The following PLXDC2 variants were observed in gnomAD, a reference collection of about 807,000 sequenced individuals.
PLXDC2 encodes the protein plexin domain containing 2.
In PLXDC2, 40 loss-of-function variants were observed where a neutral mutation model predicts 68.9. The observed-to-expected ratio is 0.58, with a 90% CI of 0.45 to 0.76. The LOEUF (loss-of-function observed/expected upper bound fraction) is 0.76, where lower values mean the gene tolerates loss of function less well. Among genes scored for constraint, PLXDC2 ranks in the 30% least tolerant of loss-of-function variants. The pLI is 0.00. For synonymous variants in PLXDC2, 243 were observed against 234.2 expected (o/e 1.04, Z -0.34); for missense variants, 644 against 661.9 (o/e 0.97, Z 0.30).
chr10:19,908,259 A>C (rs1043607618), intron 1 of PLXDC2, among the ~76,000 whole-genome samples: 5 of 152,184 alleles, frequency 3.3e-5, no homozygotes, highest in Admixed American at 6.5e-5. Context: ...GAAATAAAAC[A>C]CATGTTTATA....
intron 9 of PLXDC2, among the ~76,000 whole-genome samples, chr10:20,188,110 G>A (rs1184237886): frequency 2.0e-5 from 3 of 151,442 alleles, no homozygotes; most frequent in Admixed American, 6.6e-5. Flanking sequence ...GTAAATAAAT[G>A]TGAATGTTAT....
chr10:20,092,747 A>C (rs1833297010), intron 4 of PLXDC2, among the ~76,000 whole-genome samples: 1 of 152,036 alleles, frequency 6.6e-6, no homozygotes, highest in African/African-American at 2.4e-5. Flanking sequence ...TGGATTGTCA[A>C]GGTCAGCCCT....
At chr10:19,996,615 G>A (rs1390196040) in intron 1 of PLXDC2, among the ~76,000 whole-genome samples, 1 of 152,036 alleles carries the variant, frequency 6.6e-6, no homozygotes, top group Non-Finnish European at 1.5e-5. Flanking sequence ...AAACAGGCTA[G>A]GAAGCCAGGA....
intron 13 of PLXDC2, among the ~76,000 whole-genome samples, chr10:20,251,826 C>G (rs1276869470): frequency 6.7e-6 from 1 of 150,348 alleles, no homozygotes; most frequent in Non-Finnish European, 1.5e-5. Flanking sequence ...TATTTGGACA[C>G]TCATGTACAG....
chr10:20,136,839 T>A (rs1267766222), intron 4 of PLXDC2, among the ~76,000 whole-genome samples: 1 of 152,252 alleles, frequency 6.6e-6, no homozygotes, highest in East Asian at 1.9e-4. Context: ...ATGGAGTACC[T>A]TACACATTCA....
In PLXDC2 at chr10:19,817,153, T is replaced by C; in HGVS notation, c.74T>C (p.Phe25Ser). The change falls in exon 1 of 14, where the codon TTT becomes TCT. Residue 25 changes from phenylalanine (F) to serine (S), a missense_variant. Physicochemically the swap from Phe to Ser is radical, Grantham distance 155. Around this residue, in one of 3 missense-constraint regions of PLXDC2, gnomAD observed 201 missense variants for 166.9 expected, o/e 1.20. Transcript: ENST00000377252. ...CTTTGCCACTTCTTCACGGACCAGT[T>C]TCAGTTCGCCGATGGGAAACCCGGA... ...MLLCHFFTDQ[F>S]QFADGKPGDQ... 6.3e-7 allele frequency: 1 copy of C among 1,576,062 alleles called. No individual in the cohort carries two copies. Among genetic ancestry groups the C allele is most frequent in the East Asian group, 2.3e-5 (1 of 42,946 alleles).
In PLXDC2 at chr10:19,924,848, A is replaced by G. The variant is rs532248175; in HGVS notation, c.113-76927A>G. Among the ~76,000 whole-genome samples the G allele has an allele frequency of 2.6e-5, 4 of 152,308 alleles. No individual in the cohort carries two copies. The South Asian group carries it at 8.3e-4, about 32-fold the overall frequency. On this transcript the variant is annotated intron_variant, in intron 1 of 13. Transcript: ENST00000377252. Reference sequence around the variant, plus strand: ...TCACCTGTAATAAAGGTGACAGGTTAGTGCTAGAAAAATGTACTTCACTCC... The same window carrying G: ...TCACCTGTAATAAAGGTGACAGGTTGGTGCTAGAAAAATGTACTTCACTCC...
At chr10:19,867,128 C>T (rs530899060) in intron 1 of PLXDC2, among the ~76,000 whole-genome samples, 2 of 140,464 alleles carry the variant, frequency 1.4e-5, no homozygotes, top group South Asian at 2.2e-4. Context: ...TGCAATGTTG[C>T]GATCTTGGCT....
At chr10:19,822,339 A>T (rs1388857193) in intron 1 of PLXDC2, among the ~76,000 whole-genome samples, 1 of 151,228 alleles carries the variant, frequency 6.6e-6, no homozygotes, top group Non-Finnish European at 1.5e-5. Flanking sequence ...TGCACTACAT[A>T]TGCAATGTAT....
At chr10:19,962,384 C>CTTTTTTT (rs562410398) in intron 1 of PLXDC2, among the ~76,000 whole-genome samples, 1 of 27,744 alleles carries the variant, frequency 3.6e-5, no homozygotes, top group Non-Finnish European at 5.9e-5. Context: ...CCCATCTTTA[C>CTTTTTTT]TTTTTTTTTT....
intron 4 of PLXDC2, among the ~76,000 whole-genome samples, chr10:20,086,790 A>T (rs1010750842): frequency 6.6e-6 from 1 of 152,184 alleles, no homozygotes; most frequent in Non-Finnish European, 1.5e-5. Context: ...GCTCCTTGAA[A>T]AATCAAGCCT....
At chr10:19,927,731 A>AAAAAAAAAAC in intron 1 of PLXDC2, among the ~76,000 whole-genome samples, 1 of 150,722 alleles carries the variant, frequency 6.6e-6, no homozygotes, top group African/African-American at 2.4e-5. Flanking sequence ...AAAAAAAAAA[A>AAAAAAAAAAC]AAAAAAAGCA....
At chr10:20,239,100 T>A (rs1175191468) in intron 12 of PLXDC2, among the ~76,000 whole-genome samples, 1 of 152,162 alleles carries the variant, frequency 6.6e-6, no homozygotes, top group Non-Finnish European at 1.5e-5. Flanking sequence ...GTTATTTTAA[T>A]ACACAAGGTA....
intron 9 of PLXDC2, among the ~76,000 whole-genome samples, chr10:20,179,990 T>C (rs1487792744): frequency 6.6e-6 from 1 of 152,112 alleles, no homozygotes; most frequent in East Asian, 1.9e-4. Flanking sequence ...TTAAGCAAGA[T>C]AATTTTCATT....
chr10:19,987,811 T>G lies in PLXDC2; in HGVS notation c.113-13964T>G, dbSNP rs1238086508. ...GATCGATCTCCCGACCTTGTGATCCTCCCGCCTTGACCTCCCAAAGTGCTG... is the reference window on the plus strand; with the variant it reads ...GATCGATCTCCCGACCTTGTGATCCGCCCGCCTTGACCTCCCAAAGTGCTG... On this transcript the variant is annotated intron_variant, in intron 1 of 13. Coordinates refer to ENST00000377252, the MANE Select transcript of PLXDC2 (RefSeq NM_032812.9). Among the ~76,000 whole-genome samples, 5 of 152,216 alleles carry G rather than the reference T, an allele frequency of 3.3e-5. No homozygotes were observed. In the East Asian group the frequency reaches 9.7e-4, roughly 29 times the overall value.
intron 1 of PLXDC2, among the ~76,000 whole-genome samples, chr10:19,820,459 G>C (rs1460032167): frequency 6.6e-6 from 1 of 151,092 alleles, no homozygotes; most frequent in African/African-American, 2.4e-5. Context: ...GTGAGACCCC[G>C]TCTCTACTAA....
At chr10:20,162,344 C>G (rs1168200553) in intron 6 of PLXDC2, among the ~76,000 whole-genome samples, 1 of 152,056 alleles carries the variant, frequency 6.6e-6, no homozygotes, top group Non-Finnish European at 1.5e-5. Context: ...AGTATAAGCT[C>G]AAGTACTGCT....
At chr10:19,918,011 C>A (rs965570416) in intron 1 of PLXDC2, among the ~76,000 whole-genome samples, 3 of 152,168 alleles carry the variant, frequency 2.0e-5, no homozygotes, top group African/African-American at 7.2e-5. Context: ...AATATTTTTA[C>A]CCTTTCTATG....
chr10:20,212,355 C>T (rs1835080324), intron 10 of PLXDC2, among the ~76,000 whole-genome samples: 1 of 152,124 alleles, frequency 6.6e-6, no homozygotes, highest in South Asian at 2.1e-4. Flanking sequence ...ATAATGTTAA[C>T]TCTGAGGGAA....
Sources: allele counts gnomAD v4.1 joint callset (sites outside exome capture counted in the v4.1 genomes callset), GRCh38; gene constraint gnomAD v4.1.1; regional missense constraint gnomAD v4.1.1; transcripts MANE v1.5; gene names NCBI Gene and HGNC (gene_info 2026-07-23, HGNC 2026-07-21).